Variants in DNAH12 observed in about 807,000 individuals in gnomAD.
The protein encoded by DNAH12 is dynein axonemal heavy chain 12, also known as axonemal beta dynein heavy chain 12.
DNAH12 carries 285 observed loss-of-function variants against 371.5 expected under a neutral mutation model. The ratio of observed to expected loss-of-function variants is 0.77; its 90% CI spans 0.70 to 0.85. DNAH12 has a LOEUF of 0.85. DNAH12 is among the 40% of genes least tolerant of loss of function. The probability of loss-of-function intolerance (pLI) is 0.00; values close to 1 mark genes in which losing one functional copy is unlikely to be tolerated. For synonymous variants in DNAH12, 1,200 were observed against 1,213.0 expected (o/e 0.99, Z 0.22); for missense variants, 3,611 against 3,689.4 (o/e 0.98, Z 0.55).
chr3:57,361,167 T>C (rs1250319611), intron 58 of DNAH12, among the ~76,000 whole-genome samples: 1 of 151,454 alleles, frequency 6.6e-6, no homozygotes, highest in Non-Finnish European at 1.5e-5. Context: ...CTGGCCAACA[T>C]GATGAAACCC....
intron 73 of DNAH12, among the ~76,000 whole-genome samples, chr3:57,294,547 T>C (rs2061193578): frequency 6.6e-6 from 1 of 152,018 alleles, no homozygotes; most frequent in Non-Finnish European, 1.5e-5. Context: ...TTCTGACCGC[T>C]TAGCAGGCAT....
At chr3:57,453,055 A>G in intron 24 of DNAH12, 40 bp from the exon 25 acceptor site, 1 of 1,506,020 alleles carries the variant, frequency 6.6e-7, no homozygotes, top group East Asian at 2.5e-5. Context: ...TGATCCTTAA[A>G]TGGAAATAAT....
chr3:57,468,045 A>G (rs1390101139), intron 17 of DNAH12, among the ~76,000 whole-genome samples: 1 of 152,204 alleles, frequency 6.6e-6, no homozygotes, highest in Admixed American at 6.5e-5. Flanking sequence ...GAGTGAATAC[A>G]TTAAAAAATT....
chr3:57,349,651 A>G (rs1006583359), intron 60 of DNAH12, among the ~76,000 whole-genome samples: 1 of 152,162 alleles, frequency 6.6e-6, no homozygotes. Context: ...GAACAAAATA[A>G]TGGCATTCGC....
intron 2 of DNAH12, among the ~76,000 whole-genome samples, chr3:57,531,181 C>CT (rs1460853664): frequency 6.6e-6 from 1 of 152,148 alleles, no homozygotes; most frequent in Non-Finnish European, 1.5e-5. Flanking sequence ...GAAGTACCTT[C>CT]TTTAGCATTT....
chr3:57,429,543 C>T, intron 33 of DNAH12, 148 bp downstream of exon 33: 1 of 687,020 alleles, frequency 1.5e-6, no homozygotes. Context: ...GCTTCTCATC[C>T]TCCCTAAACA....
At chr3:57,545,327 T>TTC, upstream of DNAH12, among the ~76,000 whole-genome samples, 1 of 150,294 alleles carries the variant, frequency 6.7e-6, no homozygotes, top group Non-Finnish European at 1.5e-5. Flanking sequence ...TTCTTTTCTT[T>TTC]TTTTTTTTTT....
intron 2 of DNAH12, among the ~76,000 whole-genome samples, chr3:57,536,965 C>T (rs1164058416): frequency 6.6e-6 from 1 of 152,210 alleles, no homozygotes; most frequent in Admixed American, 6.5e-5. Context: ...CTTTGGGAGG[C>T]CAAGGCAGGT....
intron 11 of DNAH12, among the ~76,000 whole-genome samples, chr3:57,492,436 G>T (rs1262915204): frequency 1.3e-5 from 2 of 151,508 alleles, no homozygotes; most frequent in Admixed American, 6.6e-5. Context: ...CTCCAGCCTG[G>T]GCAACAAGAG....
intron 53 of DNAH12, 88 bp from the exon 54 acceptor site, chr3:57,376,053 C>T (rs2063273928): frequency 6.6e-6 from 1 of 152,062 alleles, no homozygotes; most frequent in Non-Finnish European, 1.5e-5. Flanking sequence ...CAGTCCAATT[C>T]TGTAACAAAA....
intron 13 of DNAH12, among the ~76,000 whole-genome samples, chr3:57,475,410 C>T (rs1423522478): frequency 6.6e-6 from 1 of 152,138 alleles, no homozygotes; most frequent in Non-Finnish European, 1.5e-5. Flanking sequence ...CTCCATTTAA[C>T]TGCATTAAAA....
chr3:57,385,921 CAGT>C (rs2063491596), intron 47 of DNAH12, among the ~76,000 whole-genome samples: 1 of 151,974 alleles, frequency 6.6e-6, no homozygotes, highest in South Asian at 2.1e-4. Context: ...CAAAAGACCT[CAGT>C]AGGAGAATGC....
At position 57,486,735 on chromosome 3, in the gene DNAH12, C is replaced by T. The variant is rs1359305688; in HGVS notation, c.1514+2774G>A. ...GGTAGCAAAAAAAATGCTGAGGATCCCTTGAGCCCAGGAGTTCGAGGTGGA... is the reference window on the plus strand; with the variant it reads ...GGTAGCAAAAAAAATGCTGAGGATCTCTTGAGCCCAGGAGTTCGAGGTGGA... On this transcript the variant is annotated intron_variant, in intron 12 of 73. Coordinates refer to ENST00000495027, the MANE Select transcript of DNAH12 (RefSeq NM_001366028.2). Among the ~76,000 whole-genome samples, 2 of 150,666 alleles carry T rather than the reference C, an allele frequency of 1.3e-5. 1 individual carries two copies. Among genetic ancestry groups the T allele is most frequent in the Middle Eastern group, 6.7e-3 (2 of 298 alleles).
intron 13 of DNAH12, among the ~76,000 whole-genome samples, chr3:57,480,939 T>C (rs1378256524): frequency 6.6e-6 from 1 of 152,198 alleles, no homozygotes; most frequent in East Asian, 1.9e-4. Flanking sequence ...AAGAGCTATC[T>C]ATGACAAACC....
chr3:57,533,821 G>A (rs933342735), intron 2 of DNAH12, among the ~76,000 whole-genome samples: 5 of 152,172 alleles, frequency 3.3e-5, no homozygotes, highest in African/African-American at 1.2e-4. Context: ...GGGGTTAGGG[G>A]TTAGGAAAGG....
intron 65 of DNAH12, among the ~76,000 whole-genome samples, chr3:57,320,710 T>C (rs1009117601): frequency 6.6e-6 from 1 of 152,178 alleles, no homozygotes; most frequent in African/African-American, 2.4e-5. Flanking sequence ...GTTAGAACTA[T>C]AAATTCTTAA....
rs190862869 is a variant in DNAH12, at chr3:57,532,723, G to A, written c.171-8839C>T. Among the ~76,000 whole-genome samples the A allele has an allele frequency of 1.6e-3, 244 of 152,278 alleles. 5 individuals are homozygous for A. The highest frequency in any genetic ancestry group is 3.4e-3 in the Middle Eastern group (1 of 294). On this transcript the variant is annotated intron_variant, in intron 2 of 73. Coordinates refer to ENST00000495027, the MANE Select transcript of DNAH12 (RefSeq NM_001366028.2). Reference sequence around the variant, plus strand: ...CTGTGTGCTGAGCTGCCTGGAGCTGGAGGTGGGATGACACAAGCACTGCTA... The same window carrying A: ...CTGTGTGCTGAGCTGCCTGGAGCTGAAGGTGGGATGACACAAGCACTGCTA...
At position 57,471,516 on chromosome 3, in the gene DNAH12, T is replaced by C. The variant is rs373691867; in HGVS notation, c.1867A>G (p.Met623Val). ...TCTGCAAATTCTGTAAACTCCTCCA[T>C]GCGGCGTGATTCTTTTTCTATTTCC... ...ILEIEKESRR[M>V]EEFTEFAELE... is the part of the protein sequence containing the mutation. The change falls in exon 15 of 74, where the codon ATG becomes GTG. Residue 623 changes from methionine to valine, a missense_variant. By Grantham distance (21) the Met-to-Val change is conservative. Around this residue, in one of 3 missense-constraint regions of DNAH12, gnomAD observed 1,314 missense variants for 1,398.7 expected, o/e 0.94. Coordinates refer to ENST00000495027, the MANE Select transcript of DNAH12 (RefSeq NM_001366028.2). 2.1e-5 allele frequency: 33 copies of C among 1,549,154 alleles called. No homozygotes were observed. The highest frequency in any genetic ancestry group is 2.9e-5 in the Non-Finnish European group (33 of 1,146,592).
At chr3:57,532,375 T>C (rs1319645067) in intron 2 of DNAH12, among the ~76,000 whole-genome samples, 11 of 152,146 alleles carry the variant, frequency 7.2e-5, no homozygotes, top group Admixed American at 7.2e-4. Flanking sequence ...GTCATGTTTT[T>C]CTGGATGGTG....
Sources: allele counts gnomAD v4.1 joint callset (sites outside exome capture counted in the v4.1 genomes callset), GRCh38; gene constraint gnomAD v4.1.1; regional missense constraint gnomAD v4.1.1; transcripts MANE v1.5; gene names NCBI Gene and HGNC (gene_info 2026-07-23, HGNC 2026-07-21).